The following OR6N1 variants were observed in gnomAD, a reference collection of about 807,000 sequenced individuals.
The protein encoded by OR6N1 is olfactory receptor family 6 subfamily N member 1.
For synonymous variants in OR6N1, 170 were observed against 150.7 expected (o/e 1.13, Z -0.94); for missense variants, 394 against 371.7 (o/e 1.06, Z -0.49).
At chr1:158,777,576 C>A in the OR6N1 span, 1 of 1,614,050 alleles carries the variant, frequency 6.2e-7, no homozygotes, top group Non-Finnish European at 8.5e-7. Context: ...TGACATAGCC[C>A]ACACTGGCAA....
the OR6N1 span, among the ~76,000 whole-genome samples, chr1:158,790,876 T>C: frequency 6.6e-5 from 10 of 152,154 alleles, no homozygotes; most frequent in South Asian, 4.1e-4. Flanking sequence ...ATGGGGGTGA[T>C]TGGACCATGG....
the OR6N1 span, among the ~76,000 whole-genome samples, chr1:158,814,443 C>T: frequency 1.3e-5 from 2 of 152,284 alleles, 1 homozygote; most frequent in Middle Eastern, 6.8e-3. Context: ...TCATCTTACA[C>T]AGTTTGAGCT....
intron 1 of OR6N1, among the ~76,000 whole-genome samples, chr1:158,768,460 A>G (rs553083826): frequency 6.6e-6 from 1 of 152,124 alleles, no homozygotes; most frequent in South Asian, 2.1e-4. Flanking sequence ...TCTCTCATAT[A>G]TCCAGGAACT....
the OR6N1 span, chr1:158,777,597 C>A: frequency 6.2e-7 from 1 of 1,613,880 alleles, no homozygotes; most frequent in Non-Finnish European, 8.5e-7. Context: ...AGCCAAGGAA[C>A]ACAAATTCAG....
the OR6N1 span, among the ~76,000 whole-genome samples, chr1:158,830,636 C>A: frequency 6.6e-6 from 1 of 152,154 alleles, no homozygotes; most frequent in Non-Finnish European, 1.5e-5. Context: ...TATCAGGCCC[C>A]CTATCATTCC....
chr1:158,811,170 T>A, the OR6N1 span, among the ~76,000 whole-genome samples: 1 of 152,304 alleles, frequency 6.6e-6, no homozygotes, highest in African/African-American at 2.4e-5. Flanking sequence ...TTGCTGAGGA[T>A]AATGACCTCC....
the OR6N1 span, among the ~76,000 whole-genome samples, chr1:158,825,846 C>T: frequency 6.6e-6 from 1 of 152,134 alleles, no homozygotes; most frequent in Non-Finnish European, 1.5e-5. Flanking sequence ...CAGCACTATT[C>T]ACAAAAGAGC....
the OR6N1 span, among the ~76,000 whole-genome samples, chr1:158,824,367 C>T: frequency 2.0e-5 from 3 of 152,180 alleles, no homozygotes; most frequent in South Asian, 2.1e-4. Context: ...TCCAATAAAC[C>T]TTTTTTTCTG....
chr1:158,776,828 G>C, upstream of OR6N1: 1 of 1,614,130 alleles, frequency 6.2e-7, no homozygotes, highest in Non-Finnish European at 8.5e-7. Flanking sequence ...GTTCGGTCAA[G>C]GGTCAGGGAA....
intron 1 of OR6N1, 46 bp from the exon 2 acceptor site, chr1:158,766,746 G>A (rs142633172): frequency 7.9e-7 from 1 of 1,270,602 alleles, no homozygotes; most frequent in South Asian, 1.5e-5. Flanking sequence ...TGAACTATAG[G>A]GTTCTAACAA....
At chr1:158,802,804 C>G in the OR6N1 span, among the ~76,000 whole-genome samples, 1 of 152,162 alleles carries the variant, frequency 6.6e-6, no homozygotes, top group Non-Finnish European at 1.5e-5. Context: ...ATTATCACTA[C>G]CATTATTATT....
upstream of OR6N1, chr1:158,776,422 G>A (rs1017078134): frequency 1.4e-5 from 4 of 292,804 alleles, no homozygotes; most frequent in African/African-American, 8.7e-5. Flanking sequence ...CTAGCTGGAT[G>A]GAAATGTGTG....
the OR6N1 span, among the ~76,000 whole-genome samples, chr1:158,798,773 G>A: frequency 6.6e-6 from 1 of 152,120 alleles, no homozygotes; most frequent in African/African-American, 2.4e-5. Flanking sequence ...TTATTCCTAA[G>A]GGGAGAGATT....
At chr1:158,830,096 C>T in the OR6N1 span, among the ~76,000 whole-genome samples, 1 of 152,146 alleles carries the variant, frequency 6.6e-6, no homozygotes, top group African/African-American at 2.4e-5. Context: ...GAACACAGAG[C>T]CAAACCATAT....
chr1:158,783,974 C>T, the OR6N1 span, among the ~76,000 whole-genome samples: 1 of 152,150 alleles, frequency 6.6e-6, no homozygotes, highest in South Asian at 2.1e-4. Context: ...GATATGGTGG[C>T]GGGCACCTGT....
upstream of OR6N1, among the ~76,000 whole-genome samples, chr1:158,772,629 A>T (rs1657450949): frequency 6.6e-6 from 1 of 151,714 alleles, no homozygotes. Flanking sequence ...ATCAAGACCG[A>T]CTCCTAATCT....
the OR6N1 span, chr1:158,781,286 A>T: frequency 6.6e-6 from 1 of 152,308 alleles, no homozygotes; most frequent in Admixed American, 6.5e-5. Flanking sequence ...CATCCTCCTG[A>T]GGCAGAGTCC....
At chr1:158,814,339 T>C in the OR6N1 span, among the ~76,000 whole-genome samples, 12 of 152,208 alleles carry the variant, frequency 7.9e-5, no homozygotes, top group African/African-American at 2.7e-4. Context: ...TATACACATA[T>C]ATACATACAG....
intron 1 of OR6N1, among the ~76,000 whole-genome samples, chr1:158,769,654 C>A (rs1175210970): frequency 6.6e-6 from 1 of 152,154 alleles, no homozygotes. Context: ...TGAAATTCAT[C>A]CAAACTAACT....
Sources: allele counts gnomAD v4.1 joint callset (sites outside exome capture counted in the v4.1 genomes callset), GRCh38; gene constraint gnomAD v4.1.1; transcripts MANE v1.5; gene names NCBI Gene and HGNC (gene_info 2026-07-23, HGNC 2026-07-21).